The following OPCML variants were observed in gnomAD, a reference collection of about 807,000 sequenced individuals.
OPCML encodes opioid-binding protein/cell adhesion molecule.
Under a neutral mutation model 37.8 loss-of-function variants are expected in OPCML, and 13 were observed. The ratio of observed to expected loss-of-function variants is 0.34; its 90% CI spans 0.22 to 0.55. The LOEUF (loss-of-function observed/expected upper bound fraction) is 0.55, where lower values mean the gene tolerates loss of function less well. Ranked by LOEUF, OPCML falls within the 20% of genes least tolerant of loss-of-function variation. The probability of loss-of-function intolerance (pLI) is 0.91; values close to 1 mark genes in which losing one functional copy is unlikely to be tolerated. For missense variants in OPCML, 341 were observed against 435.6 expected (o/e 0.78, Z 1.93); for synonymous variants, 176 against 168.8 (o/e 1.04, Z -0.33).
chr11:132,814,165 C>T (rs1436239110), intron 2 of OPCML, among the ~76,000 whole-genome samples: 49 of 152,264 alleles, frequency 3.2e-4, no homozygotes, highest in Admixed American at 6.5e-5. Flanking sequence ...AATTCTACTA[C>T]GTAGCAAGTG....
intron 2 of OPCML, among the ~76,000 whole-genome samples, chr11:132,777,834 G>A (rs1946860407): frequency 6.6e-6 from 1 of 152,134 alleles, no homozygotes; most frequent in South Asian, 2.1e-4. Flanking sequence ...ATGTTTAAAG[G>A]CGCAGACCAC....
intron 1 of OPCML, among the ~76,000 whole-genome samples, chr11:133,053,088 T>A (rs1410132968): frequency 1.3e-5 from 2 of 152,218 alleles, no homozygotes; most frequent in Non-Finnish European, 2.9e-5. Context: ...CAGGAACATC[T>A]CCATCTGCTG....
chr11:133,461,925 A>G (rs895994249), intron 1 of OPCML, among the ~76,000 whole-genome samples: 1 of 152,108 alleles, frequency 6.6e-6, no homozygotes. Flanking sequence ...AGGCATAATG[A>G]CAGACGTTTA....
intron 3 of OPCML, among the ~76,000 whole-genome samples, chr11:132,553,833 T>C (rs1014785585): frequency 6.6e-6 from 1 of 152,218 alleles, no homozygotes; most frequent in Non-Finnish European, 1.5e-5. Flanking sequence ...CCAATCTGAC[T>C]TCACAGATGA....
At chr11:133,449,161 G>A (rs889871806) in intron 1 of OPCML, among the ~76,000 whole-genome samples, 1 of 152,210 alleles carries the variant, frequency 6.6e-6, no homozygotes, top group Non-Finnish European at 1.5e-5. Flanking sequence ...GTTGAGAAAT[G>A]ACATGATCAT....
chr11:133,127,939 C>T (rs531449926), intron 1 of OPCML, among the ~76,000 whole-genome samples: 1 of 152,134 alleles, frequency 6.6e-6, no homozygotes, highest in East Asian at 1.9e-4. Context: ...TGATTATGCG[C>T]TTTGTTCCGC....
At chr11:132,457,353 G>T (rs572275356) in intron 4 of OPCML, among the ~76,000 whole-genome samples, 1 of 152,154 alleles carries the variant, frequency 6.6e-6, no homozygotes, top group Non-Finnish European at 1.5e-5. Flanking sequence ...CTCTTAAGAC[G>T]CTTACAATAG....
chr11:133,076,541 G>A (rs1051114716), intron 1 of OPCML, among the ~76,000 whole-genome samples: 4 of 152,138 alleles, frequency 2.6e-5, no homozygotes, highest in African/African-American at 4.8e-5. Context: ...GGCTGTGAAC[G>A]TCATGCAAAC....
chr11:133,490,340 T>C (rs1947627837), intron 1 of OPCML, among the ~76,000 whole-genome samples: 1 of 152,226 alleles, frequency 6.6e-6, no homozygotes, highest in South Asian at 2.1e-4. Flanking sequence ...AATATTTCAC[T>C]GTGAGTTCTT....
intron 2 of OPCML, among the ~76,000 whole-genome samples, chr11:132,748,668 C>G (rs755571694): frequency 2.0e-5 from 3 of 152,026 alleles, no homozygotes; most frequent in African/African-American, 7.2e-5. Flanking sequence ...GTTCATAGAG[C>G]CTTAGCTTTG....
chr11:132,424,615 G>A (rs2095971977), intron 7 of OPCML, among the ~76,000 whole-genome samples: 1 of 152,200 alleles, frequency 6.6e-6, no homozygotes. Flanking sequence ...ATCTGGCAAT[G>A]TTGGAGTTGG....
chr11:133,093,357 T>C (rs1276417685), intron 1 of OPCML, among the ~76,000 whole-genome samples: 1 of 152,012 alleles, frequency 6.6e-6, no homozygotes, highest in Non-Finnish European at 1.5e-5. Context: ...GTTTGCTACA[T>C]AGGTATACAT....
At chr11:133,258,234 T>C (rs2035721647) in intron 1 of OPCML, among the ~76,000 whole-genome samples, 2 of 152,168 alleles carry the variant, frequency 1.3e-5, no homozygotes, top group African/African-American at 4.8e-5. Context: ...ACATCCAGTT[T>C]TGGAAGGCCA....
At chr11:133,503,181 AC>A (rs1300751996) in intron 1 of OPCML, among the ~76,000 whole-genome samples, 2 of 152,154 alleles carry the variant, frequency 1.3e-5, no homozygotes, top group Non-Finnish European at 2.9e-5. Flanking sequence ...CCTAGAAGTC[AC>A]CTTTAAGTAG....
intron 2 of OPCML, among the ~76,000 whole-genome samples, chr11:132,688,484 G>A (rs888549453): frequency 1.3e-5 from 2 of 152,006 alleles, no homozygotes; most frequent in Non-Finnish European, 1.5e-5. Flanking sequence ...TGGATGTGGT[G>A]GTTGCCAAGA....
At chr11:133,503,413 C>T (rs888303924) in intron 1 of OPCML, among the ~76,000 whole-genome samples, 35 of 152,308 alleles carry the variant, frequency 2.3e-4, no homozygotes, top group African/African-American at 7.9e-4. Context: ...GTTGTGGCCA[C>T]AGCTCCTCCA....
intron 1 of OPCML, among the ~76,000 whole-genome samples, chr11:133,090,148 C>T (rs557149035): frequency 2.0e-4 from 31 of 152,278 alleles, no homozygotes; most frequent in African/African-American, 7.2e-4. Context: ...GCCCTTACTA[C>T]TTAGACATGC....
intron 1 of OPCML, among the ~76,000 whole-genome samples, chr11:133,230,497 T>C (rs955826239): frequency 2.8e-4 from 42 of 152,196 alleles, no homozygotes; most frequent in Admixed American, 2.7e-3. Flanking sequence ...GCACAGGCCT[T>C]GAACCCTAAC....
Position 133,109,516 on chromosome 11 carries a change from T to C in OPCML, c.62-166506A>G, listed in dbSNP as rs567850792. Reference sequence around the variant, plus strand: ...ACTGGTGCGTTTTACAGAGCACTGATTGGTGCATTTTACAATCCCCTTGCT... The same window carrying C: ...ACTGGTGCGTTTTACAGAGCACTGACTGGTGCATTTTACAATCCCCTTGCT... On this transcript the variant is annotated intron_variant, in intron 1 of 7. Coordinates refer to ENST00000524381, the MANE Select transcript of OPCML (RefSeq NM_001012393.5). 5.3e-4 allele frequency among the ~76,000 whole-genome samples: 80 copies of C among 152,280 alleles called. 1 individual carries two copies. Among genetic ancestry groups the C allele is most frequent in the African/African-American group, 1.9e-3 (77 of 41,578 alleles).
Sources: gnomAD v4.1 joint callset for allele counts (sites outside exome capture counted in the v4.1 genomes callset) on GRCh38, gnomAD v4.1.1 for gene constraint, MANE v1.5 for transcripts, NCBI Gene and HGNC (gene_info 2026-07-23, HGNC 2026-07-21) for gene names.